Variants in SRGAP2 observed in about 807,000 individuals in gnomAD.
SRGAP2 encodes SLIT-ROBO Rho GTPase activating protein 2, also known as SLIT-ROBO Rho GTPase-activating protein 2.
Under a neutral mutation model 57.2 loss-of-function variants are expected in SRGAP2, and 15 were observed. The ratio of observed to expected loss-of-function variants is 0.26; its 90% confidence interval spans 0.18 to 0.40. SRGAP2 has a LOEUF of 0.40. Ranked by LOEUF, SRGAP2 falls within the 10% of genes least tolerant of loss-of-function variation. SRGAP2 has a pLI of 1.00. For synonymous variants in SRGAP2, 249 were observed against 248.0 expected, an observed-to-expected ratio of 1.00 and a Z score of -0.04; for missense variants, 520 against 669.6, an observed-to-expected ratio of 0.78 and a Z score of 2.47.
chr1:206,222,854 A>G (rs1210440645), intron 2 of SRGAP2, among the ~76,000 whole-genome samples: 10 of 150,630 alleles, frequency 6.6e-5, no homozygotes, highest in Non-Finnish European at 5.9e-5. Context: ...CCTACATCCC[A>G]GGGTGGTTGT....
At chr1:206,354,740 T>C (rs1676304088) in intron 4 of SRGAP2, among the ~76,000 whole-genome samples, 1 of 149,868 alleles carries the variant, frequency 6.7e-6, no homozygotes, top group Admixed American at 6.6e-5. Context: ...TTCTCTCTCT[T>C]TCTCTCTCTC....
At chr1:206,357,919 T>TCA (rs1676578484) in intron 4 of SRGAP2, among the ~76,000 whole-genome samples, 1 of 147,736 alleles carries the variant, frequency 6.8e-6, no homozygotes, top group South Asian at 2.2e-4. Flanking sequence ...CTGGACTATG[T>TCA]TCTTGTACAT....
chr1:206,459,610 C>T (rs1364742954), intron 22 of SRGAP2, among the ~76,000 whole-genome samples: 4 of 152,066 alleles, frequency 2.6e-5, no homozygotes, highest in African/African-American at 4.8e-5. Context: ...TCTAAAAATC[C>T]GACTACCGGG....
chr1:206,390,831 G>A (rs1656870817), intron 5 of SRGAP2, among the ~76,000 whole-genome samples: 1 of 151,678 alleles, frequency 6.6e-6, no homozygotes, highest in Non-Finnish European at 1.5e-5. Context: ...AAAATTTACG[G>A]GAAGTAGTGT....
chr1:206,374,019 CTTTTTTTTT>C (rs56021600), intron 4 of SRGAP2, among the ~76,000 whole-genome samples: 5 of 77,012 alleles, frequency 6.5e-5, no homozygotes, highest in East Asian at 4.5e-4. Context: ...GATACACATT[CTTTTTTTTT>C]TTTTTTTTTT....
At chr1:206,426,955 A>G (rs1340144634) in intron 13 of SRGAP2, among the ~76,000 whole-genome samples, 3 of 152,150 alleles carry the variant, frequency 2.0e-5, no homozygotes, top group African/African-American at 7.2e-5. Context: ...GCTCTGCAAA[A>G]GCTTTGTAGC....
At chr1:206,451,234 T>G (rs942229068) in intron 19 of SRGAP2, among the ~76,000 whole-genome samples, 2 of 151,798 alleles carry the variant, frequency 1.3e-5, no homozygotes, top group Non-Finnish European at 2.9e-5. Flanking sequence ...AACCACATGC[T>G]TTCACGCCTA....
At chr1:206,218,809 ATGT>A (rs1404510480) in intron 2 of SRGAP2, among the ~76,000 whole-genome samples, 4 of 83,386 alleles carry the variant, frequency 4.8e-5, no homozygotes, top group Non-Finnish European at 7.0e-5. Context: ...ACAGATATTT[ATGT>A]TGTTGTGTGC....
chr1:206,453,468 G>T, intron 20 of SRGAP2, 88 bp downstream of exon 20: 1 of 480,432 alleles, frequency 2.1e-6, no homozygotes, highest in East Asian at 3.5e-5. Flanking sequence ...GGACTATGAG[G>T]GAGGCCAACC....
intron 4 of SRGAP2, among the ~76,000 whole-genome samples, chr1:206,351,065 G>A (rs1423965298): frequency 6.6e-6 from 1 of 152,168 alleles, no homozygotes; most frequent in African/African-American, 2.4e-5. Flanking sequence ...CTATCTGTTT[G>A]GTATCCATTT....
At chr1:206,452,427 T>C (rs1286960582) in intron 19 of SRGAP2, among the ~76,000 whole-genome samples, 2 of 152,222 alleles carry the variant, frequency 1.3e-5, no homozygotes, top group Non-Finnish European at 2.9e-5. Flanking sequence ...ACATAAAATA[T>C]TTAGAATACA....
At chr1:206,327,148 G>A (rs61816804) in intron 3 of SRGAP2, among the ~76,000 whole-genome samples, 21,580 of 151,996 alleles carry the variant, frequency 0.14, 3,069 homozygotes, top group African/African-American at 0.37. Flanking sequence ...CCAACATGGA[G>A]AAACCCTGTC....
At chr1:206,442,456 A>G (rs1398349485) in intron 17 of SRGAP2, among the ~76,000 whole-genome samples, 4 of 152,156 alleles carry the variant, frequency 2.6e-5, no homozygotes, top group Admixed American at 6.5e-5. Context: ...AGCTGGGAGC[A>G]TGACAGTGGT....
At chr1:206,436,852 A>G in intron 14 of SRGAP2, 113 bp from the exon 15 acceptor site, 1 of 734,948 alleles carries the variant, frequency 1.4e-6, no homozygotes, top group Admixed American at 1.8e-5. Context: ...AAGAAGAGAG[A>G]CAGCGTGCTT....
At chr1:206,432,234 CT>C (rs1661336669) in intron 14 of SRGAP2, among the ~76,000 whole-genome samples, 1 of 152,180 alleles carries the variant, frequency 6.6e-6, no homozygotes, top group South Asian at 2.1e-4. Flanking sequence ...ATGAATGTAC[CT>C]GTTTCTGCCC....
chr1:206,383,504 G>A (rs1400911521), intron 4 of SRGAP2, among the ~76,000 whole-genome samples: 2 of 152,136 alleles, frequency 1.3e-5, no homozygotes, highest in Non-Finnish European at 2.9e-5. Context: ...GCTGCCTTGT[G>A]AGTTTTGGGT....
intron 3 of SRGAP2, among the ~76,000 whole-genome samples, chr1:206,318,945 TAGG>T (rs1199802103): frequency 1.3e-5 from 2 of 151,862 alleles, no homozygotes; most frequent in African/African-American, 4.8e-5. Flanking sequence ...CCATATCACA[TAGG>T]AGGAAAAACA....
chr1:206,385,098 G>A (rs1656082856), intron 5 of SRGAP2, among the ~76,000 whole-genome samples: 1 of 129,662 alleles, frequency 7.7e-6, no homozygotes, highest in African/African-American at 3.5e-5. Context: ...CCTAGGTGTG[G>A]CCATTTTGTC....
intron 2 of SRGAP2, among the ~76,000 whole-genome samples, chr1:206,255,175 C>T (rs1205616473): frequency 7.1e-6 from 1 of 140,882 alleles, no homozygotes; most frequent in Non-Finnish European, 1.5e-5. Context: ...ATGATTTACT[C>T]TGCTGCTTCC....
Sources: allele counts gnomAD v4.1 joint callset (sites outside exome capture counted in the v4.1 genomes callset), GRCh38; gene constraint gnomAD v4.1.1; transcripts MANE v1.5; gene names NCBI Gene and HGNC (gene_info 2026-07-23, HGNC 2026-07-21).